Variants in ZFPM2 observed in about 807,000 individuals in gnomAD.
ZFPM2 encodes zinc finger protein, FOG family member 2, also known as zinc finger protein ZFPM2.
Under a neutral mutation model 98.6 loss-of-function variants are expected in ZFPM2, and 20 were observed. The ratio of observed to expected loss-of-function variants is 0.20; its 90% CI spans 0.14 to 0.29. The LOEUF is 0.29. ZFPM2 is among the 10% of genes least tolerant of loss of function. ZFPM2 has a pLI of 1.00. For synonymous variants in ZFPM2, 518 were observed against 502.7 expected (o/e 1.03, Z -0.41); for missense variants, 1,310 against 1,388.6 (o/e 0.94, Z 0.90).
intron 3 of ZFPM2, among the ~76,000 whole-genome samples, chr8:105,500,690 C>T (rs1813573701): frequency 6.6e-6 from 1 of 151,932 alleles, no homozygotes; most frequent in South Asian, 2.1e-4. Flanking sequence ...AATCAAAAAA[C>T]ATTCTGTCTA....
Position 105,804,475 on chromosome 8 carries a change from T to A in ZFPM2, c.*937T>A, listed in dbSNP as rs1253356944. The A allele has an allele frequency of 1.3e-5, 2 of 152,584 alleles. No individual in the cohort carries two copies. The highest frequency in any genetic ancestry group is 3.9e-4 in the East Asian group (2 of 5,186). The allele number at this position is 152,584 out of a possible 1,614,324, so 9.5% of individuals were successfully genotyped here. ...AATGTTCTACTTCTGATAGAAATAA[T>A]TTCTCAACAAATGTTGTTACTATGC... On this transcript the variant is annotated 3_prime_UTR_variant, in exon 8 of 8. Coordinates refer to ENST00000407775, the MANE Select transcript of ZFPM2 (RefSeq NM_012082.4).
At chr8:105,611,935 C>T (rs1228156406) in intron 4 of ZFPM2, among the ~76,000 whole-genome samples, 2 of 151,810 alleles carry the variant, frequency 1.3e-5, no homozygotes, top group Admixed American at 6.6e-5. Context: ...TGACCTCAGG[C>T]GATCCACCCA....
At chr8:105,409,770 A>G (rs1811539581) in intron 1 of ZFPM2, among the ~76,000 whole-genome samples, 1 of 151,924 alleles carries the variant, frequency 6.6e-6, no homozygotes, top group African/African-American at 2.4e-5. Context: ...TAAAACATGG[A>G]TTGATGGCCC....
chr8:105,693,788 T>C (rs1810947067), intron 5 of ZFPM2, among the ~76,000 whole-genome samples: 1 of 152,060 alleles, frequency 6.6e-6, no homozygotes, highest in East Asian at 1.9e-4. Context: ...CTAATATTTG[T>C]ACATATTTAT....
intron 5 of ZFPM2, among the ~76,000 whole-genome samples, chr8:105,770,322 A>G (rs939692331): frequency 6.6e-6 from 1 of 152,098 alleles, no homozygotes; most frequent in East Asian, 1.9e-4. Flanking sequence ...AGCTATGGCA[A>G]TGATGCACTA....
At chr8:105,385,682 C>G (rs1475405934) in intron 1 of ZFPM2, among the ~76,000 whole-genome samples, 1 of 152,168 alleles carries the variant, frequency 6.6e-6, no homozygotes, top group African/African-American at 2.4e-5. Flanking sequence ...CTACATCACT[C>G]TTAGATCTCT....
intron 5 of ZFPM2, among the ~76,000 whole-genome samples, chr8:105,677,720 T>C (rs1467630231): frequency 6.6e-6 from 1 of 151,910 alleles, no homozygotes; most frequent in Non-Finnish European, 1.5e-5. Flanking sequence ...AAAAATAAAG[T>C]CTAAATGTGA....
chr8:105,471,489 T>A (rs779323633), intron 3 of ZFPM2, among the ~76,000 whole-genome samples: 26 of 152,154 alleles, frequency 1.7e-4, no homozygotes, highest in Non-Finnish European at 3.1e-4. Flanking sequence ...GCAAAAACTT[T>A]TTGGACGAGG....
chr8:105,571,734 A>G (rs1815359016), intron 4 of ZFPM2, among the ~76,000 whole-genome samples: 1 of 152,210 alleles, frequency 6.6e-6, no homozygotes, highest in Non-Finnish European at 1.5e-5. Flanking sequence ...GGAGATAGGT[A>G]CCAGTTTGTA....
chr8:105,403,064 G>A (rs918302587), intron 1 of ZFPM2, among the ~76,000 whole-genome samples: 1 of 151,966 alleles, frequency 6.6e-6, no homozygotes, highest in African/African-American at 2.4e-5. Context: ...TAGAAAGGTA[G>A]ACTGGGGGAT....
At chr8:105,447,283 G>C (rs527803232) in intron 3 of ZFPM2, among the ~76,000 whole-genome samples, 1 of 151,552 alleles carries the variant, frequency 6.6e-6, no homozygotes, top group South Asian at 2.1e-4. Context: ...CTCACTATCT[G>C]GGAGATTTTT....
chr8:105,584,781 A>G (rs994338188), intron 4 of ZFPM2, among the ~76,000 whole-genome samples: 1 of 152,214 alleles, frequency 6.6e-6, no homozygotes, highest in African/African-American at 2.4e-5. Context: ...GGTATCTGAC[A>G]GTGGTCTGTA....
At chr8:105,579,870 T>C (rs1269764698) in intron 4 of ZFPM2, among the ~76,000 whole-genome samples, 1 of 152,126 alleles carries the variant, frequency 6.6e-6, no homozygotes, top group East Asian at 1.9e-4. Flanking sequence ...ATTAGCAGGA[T>C]GAATCATAGT....
At chr8:105,423,883 T>C (rs958013677) in intron 2 of ZFPM2, among the ~76,000 whole-genome samples, 18 of 152,098 alleles carry the variant, frequency 1.2e-4, no homozygotes, top group African/African-American at 4.3e-4. Flanking sequence ...AATTGTAAAG[T>C]GAAATAAACA....
At chr8:105,397,225 G>A (rs1247880762) in intron 1 of ZFPM2, among the ~76,000 whole-genome samples, 2 of 151,886 alleles carry the variant, frequency 1.3e-5, no homozygotes, top group African/African-American at 4.8e-5. Context: ...AAGTATTGAT[G>A]TCATAGTAAA....
chr8:105,409,037 A>G (rs1185782892), intron 1 of ZFPM2, among the ~76,000 whole-genome samples: 1 of 151,868 alleles, frequency 6.6e-6, no homozygotes, highest in Non-Finnish European at 1.5e-5. Flanking sequence ...TGAGCAGTGG[A>G]ACATGTGTGT....
At chr8:105,610,773 C>T (rs1374357962) in intron 4 of ZFPM2, among the ~76,000 whole-genome samples, 2 of 152,154 alleles carry the variant, frequency 1.3e-5, no homozygotes. Context: ...ACAAACTCAA[C>T]AATCTGCTCT....
chr8:105,544,450 C>T (rs1363642582), intron 3 of ZFPM2, among the ~76,000 whole-genome samples: 6 of 152,028 alleles, frequency 3.9e-5, no homozygotes, highest in Non-Finnish European at 8.8e-5. Context: ...AGAATTTATT[C>T]TATTAAGTAG....
chr8:105,565,043 T>C (rs1815215858), intron 4 of ZFPM2, among the ~76,000 whole-genome samples: 3 of 152,188 alleles, frequency 2.0e-5, no homozygotes, highest in African/African-American at 7.2e-5. Flanking sequence ...ACTGATGTAA[T>C]GTTACTCTGC....
Sources: gnomAD v4.1 joint callset for allele counts (sites outside exome capture counted in the v4.1 genomes callset) on GRCh38, gnomAD v4.1.1 for gene constraint, MANE v1.5 for transcripts, NCBI Gene and HGNC (gene_info 2026-07-23, HGNC 2026-07-21) for gene names.